Variants in FRMD6 observed in about 807,000 individuals in gnomAD.
The protein encoded by FRMD6 is FERM domain-containing protein 6.
A neutral mutation model predicts 73.2 loss-of-function variants in FRMD6; 37 were observed. The observed-to-expected ratio is 0.51, with a 90% CI of 0.39 to 0.66. The LOEUF (loss-of-function observed/expected upper bound fraction) is 0.66. Ranked by LOEUF, FRMD6 falls within the 30% of genes least tolerant of loss-of-function variation. The pLI, the probability that FRMD6 is intolerant of heterozygous loss-of-function variation, is 0.00. For synonymous variants in FRMD6, 273 were observed against 282.2 expected (o/e 0.97, Z 0.33); for missense variants, 714 against 780.5 (o/e 0.91, Z 1.02).
In FRMD6 at chr14:51,590,151, T is replaced by C. The variant is rs191968869; in HGVS notation, c.-147+19741T>C. Among the ~76,000 whole-genome samples the C allele has an allele frequency of 9.9e-5, 15 of 151,794 alleles. No homozygotes were observed. The East Asian group carries it at 2.7e-3, about 27-fold the overall frequency. On this transcript the variant is annotated intron_variant, in intron 2 of 14. Transcript: ENST00000356218. Reference sequence around the variant, plus strand: ...GGATTTCTCACCTTGTCTAAAAATATAGAAAAAAATAGGTTTGTAATTCCC... The same window carrying C: ...GGATTTCTCACCTTGTCTAAAAATACAGAAAAAAATAGGTTTGTAATTCCC...
intron 1 of FRMD6, among the ~76,000 whole-genome samples, chr14:51,652,470 C>G (rs1373850100): frequency 6.6e-6 from 1 of 152,180 alleles, no homozygotes; most frequent in South Asian, 2.1e-4. Flanking sequence ...GTCGCTGTGG[C>G]TGGGCGCCGG....
chr14:51,489,806 T>C (rs941497011), intron 1 of FRMD6, among the ~76,000 whole-genome samples: 5 of 152,328 alleles, frequency 3.3e-5, no homozygotes, highest in African/African-American at 1.2e-4. Flanking sequence ...AAAACACAGA[T>C]GATAACCTGA....
At chr14:51,613,416 C>T (rs1416340553) in intron 2 of FRMD6, among the ~76,000 whole-genome samples, 1 of 152,042 alleles carries the variant, frequency 6.6e-6, no homozygotes, top group Non-Finnish European at 1.5e-5. Context: ...GTAAGAGGTG[C>T]TAATATGTTC....
At chr14:51,422,931 G>A in the FRMD6 span, among the ~76,000 whole-genome samples, 59 of 152,326 alleles carry the variant, frequency 3.9e-4, no homozygotes, top group African/African-American at 1.4e-3. Flanking sequence ...CCAATGAGAT[G>A]TGAGCAGAAG....
chr14:51,568,151 T>C (rs1887884273), intron 1 of FRMD6, among the ~76,000 whole-genome samples: 1 of 152,372 alleles, frequency 6.6e-6, no homozygotes, highest in Middle Eastern at 3.4e-3. Context: ...AAAAATATCA[T>C]AGGCTATATT....
chr14:51,535,252 G>A (rs910253052), intron 1 of FRMD6, among the ~76,000 whole-genome samples: 2 of 152,104 alleles, frequency 1.3e-5, no homozygotes, highest in Non-Finnish European at 2.9e-5. Context: ...TAATACAGTG[G>A]TTTTTAAAAT....
At chr14:51,706,069 C>T (rs1896608533) in intron 6 of FRMD6, among the ~76,000 whole-genome samples, 1 of 152,094 alleles carries the variant, frequency 6.6e-6, no homozygotes, top group African/African-American at 2.4e-5. Flanking sequence ...TTCTTGCCAC[C>T]TCATTTCTAC....
At chr14:51,553,484 G>A (rs1005143141) in intron 1 of FRMD6, among the ~76,000 whole-genome samples, 1 of 152,114 alleles carries the variant, frequency 6.6e-6, no homozygotes, top group Admixed American at 6.5e-5. Flanking sequence ...TTATTATTGA[G>A]CATTTATAAG....
the FRMD6 span, among the ~76,000 whole-genome samples, chr14:51,401,844 G>T: frequency 6.6e-6 from 1 of 152,222 alleles, no homozygotes. Flanking sequence ...CATCCCAAGA[G>T]TGTCTGTCAG....
the FRMD6 span, among the ~76,000 whole-genome samples, chr14:51,411,240 C>T: frequency 6.6e-6 from 1 of 152,142 alleles, no homozygotes; most frequent in African/African-American, 2.4e-5. Flanking sequence ...AATTTGAATT[C>T]AGAAATGCTT....
At chr14:51,402,764 G>A in the FRMD6 span, among the ~76,000 whole-genome samples, 3 of 151,468 alleles carry the variant, frequency 2.0e-5, no homozygotes, top group South Asian at 6.3e-4. Flanking sequence ...TCAGCCTCTT[G>A]AGTAGCTGGG....
chr14:51,679,720 A>C (rs1242348791), intron 1 of FRMD6, among the ~76,000 whole-genome samples: 2 of 152,268 alleles, frequency 1.3e-5, no homozygotes, highest in South Asian at 2.1e-4. Context: ...AGATATTTGA[A>C]GATCCCCATC....
At chr14:51,682,994 CCTTCCATT>C (rs1894906224) in intron 1 of FRMD6, among the ~76,000 whole-genome samples, 1 of 152,168 alleles carries the variant, frequency 6.6e-6, no homozygotes, top group Non-Finnish European at 1.5e-5. Flanking sequence ...ATGTCCTCTA[CCTTCCATT>C]CTTTGGTCAG....
intron 2 of FRMD6, among the ~76,000 whole-genome samples, chr14:51,589,647 G>C (rs923470440): frequency 7.2e-5 from 11 of 151,828 alleles, no homozygotes; most frequent in Non-Finnish European, 1.6e-4. Flanking sequence ...TTCTGGAATT[G>C]GGGACAGGAA....
At chr14:51,503,604 G>C (rs974117686) in intron 1 of FRMD6, among the ~76,000 whole-genome samples, 1 of 151,982 alleles carries the variant, frequency 6.6e-6, no homozygotes, top group Non-Finnish European at 1.5e-5. Flanking sequence ...TTAACATGCT[G>C]CTGGATTCGG....
At chr14:51,468,414 A>G in the FRMD6 span, among the ~76,000 whole-genome samples, 1 of 152,136 alleles carries the variant, frequency 6.6e-6, no homozygotes, top group East Asian at 1.9e-4. Context: ...AATTTTTGCT[A>G]CTTGTGTATA....
At chr14:51,681,613 C>T (rs1382015601) in intron 1 of FRMD6, among the ~76,000 whole-genome samples, 1 of 152,138 alleles carries the variant, frequency 6.6e-6, no homozygotes, top group Non-Finnish European at 1.5e-5. Flanking sequence ...ATTATGCTGC[C>T]TACTGCCATA....
At chr14:51,643,814 T>C (rs1246437366) in intron 2 of FRMD6, 2 of 152,222 alleles carry the variant, frequency 1.3e-5, no homozygotes, top group African/African-American at 2.4e-5. Flanking sequence ...ACATTTTTCC[T>C]TGTTCAACTC....
intron 1 of FRMD6, among the ~76,000 whole-genome samples, chr14:51,500,701 G>A (rs1025434219): frequency 1.3e-5 from 2 of 152,048 alleles, no homozygotes; most frequent in Admixed American, 1.3e-4. Context: ...AAAGATTTAG[G>A]AAGTTAAGGA....
Sources: allele counts gnomAD v4.1 joint callset (sites outside exome capture counted in the v4.1 genomes callset), GRCh38; gene constraint gnomAD v4.1.1; transcripts MANE v1.5; gene names NCBI Gene and HGNC (gene_info 2026-07-23, HGNC 2026-07-21).